The following PAK5 variants were observed in gnomAD, a reference collection of about 807,000 sequenced individuals.
PAK5 encodes serine/threonine-protein kinase PAK 5.
PAK5 carries 16 observed loss-of-function variants against 65.9 expected under a neutral mutation model. That is an observed-to-expected ratio of 0.24 (90% CI 0.16 to 0.37). PAK5 has a LOEUF of 0.37. PAK5 is among the 10% of genes least tolerant of loss of function. PAK5 has a pLI of 1.00. For synonymous variants in PAK5, 371 were observed against 354.9 expected (o/e 1.05, Z -0.51); for missense variants, 785 against 903.9 (o/e 0.87, Z 1.69).
At chr20:9,624,426 C>A (rs2046814152) in intron 3 of PAK5, among the ~76,000 whole-genome samples, 1 of 151,750 alleles carries the variant, frequency 6.6e-6, no homozygotes, top group Admixed American at 6.6e-5. Context: ...ATGGTGAATA[C>A]CTTAGAAAAG....
chr20:9,664,634 G>C (rs926618161), intron 2 of PAK5, among the ~76,000 whole-genome samples: 1 of 151,992 alleles, frequency 6.6e-6, no homozygotes, highest in Non-Finnish European at 1.5e-5. Flanking sequence ...CTGCTGCTGT[G>C]GTTTTTAATT....
intron 7 of PAK5, among the ~76,000 whole-genome samples, chr20:9,550,386 G>A (rs574702696): frequency 2.6e-5 from 4 of 152,110 alleles, no homozygotes; most frequent in Non-Finnish European, 5.9e-5. Context: ...TCCAATGAAA[G>A]CAAGGCAGGG....
intron 1 of PAK5, among the ~76,000 whole-genome samples, chr20:9,828,232 C>T (rs940747815): frequency 2.0e-5 from 3 of 152,202 alleles, no homozygotes; most frequent in Non-Finnish European, 4.4e-5. Flanking sequence ...AGGTAGGTAG[C>T]TGTTATCTTA....
chr20:9,542,424 G>C (rs539095334), intron 9 of PAK5, among the ~76,000 whole-genome samples, 162 bp downstream of exon 9: 1 of 152,314 alleles, frequency 6.6e-6, no homozygotes, highest in African/African-American at 2.4e-5. Context: ...CCCAGTAAAC[G>C]AATAGAAGAA....
At chr20:9,638,377 G>A (rs774681857) in intron 3 of PAK5, among the ~76,000 whole-genome samples, 2 of 152,228 alleles carry the variant, frequency 1.3e-5, no homozygotes, top group African/African-American at 2.4e-5. Context: ...TAGCCCAAAA[G>A]TTTGGGCACA....
chr20:9,617,960 G>A (rs1345970893), intron 3 of PAK5, among the ~76,000 whole-genome samples: 2 of 152,180 alleles, frequency 1.3e-5, no homozygotes, highest in Non-Finnish European at 2.9e-5. Context: ...ATACCTTTAA[G>A]CCTCTAAATT....
At chr20:9,653,992 G>A (rs1290857748) in intron 2 of PAK5, among the ~76,000 whole-genome samples, 1 of 141,800 alleles carries the variant, frequency 7.1e-6, no homozygotes, top group Non-Finnish European at 1.5e-5. Context: ...GTCACGTGCT[G>A]CCCCCCAGGC....
intron 3 of PAK5, among the ~76,000 whole-genome samples, chr20:9,603,377 C>T (rs957189984): frequency 5.3e-5 from 8 of 152,088 alleles, no homozygotes; most frequent in African/African-American, 1.2e-4. Flanking sequence ...TTCTTCTTCC[C>T]GCTTCTGTGA....
chr20:9,715,962 A>T (rs1425458550), intron 1 of PAK5, among the ~76,000 whole-genome samples: 1 of 152,052 alleles, frequency 6.6e-6, no homozygotes, highest in African/African-American at 2.4e-5. Flanking sequence ...GAGTTAATGG[A>T]TGCAGTACAC....
Position 9,580,295 on chromosome 20 carries a change from G to A in PAK5, c.840C>T (p.Pro280=), listed in dbSNP as rs2045954612. The A allele has an allele frequency of 1.9e-6, 3 of 1,614,016 alleles. No homozygotes were observed. Among genetic ancestry groups the A allele is most frequent in the Non-Finnish European group, 2.5e-6 (3 of 1,180,026 alleles). ...SSYLNQTSPQ[P]TMRQRSRSGS... ...CTGACCTGGACCTCTGCCGCATGGTGGGCTGAGGGCTTGTCTGATTCAGGT... is the reference window on the plus strand; with the variant it reads ...CTGACCTGGACCTCTGCCGCATGGTAGGCTGAGGGCTTGTCTGATTCAGGT... Residue 280 remains proline, a synonymous_variant, in exon 4 of 10, where the codon CCC becomes CCT. Coordinates refer to ENST00000353224, the MANE Select transcript of PAK5 (RefSeq NM_177990.4).
intron 1 of PAK5, among the ~76,000 whole-genome samples, chr20:9,715,562 T>C (rs1260540816): frequency 2.0e-5 from 3 of 152,048 alleles, no homozygotes; most frequent in African/African-American, 7.2e-5. Flanking sequence ...ACCCAAAGGA[T>C]TATAAATCAT....
intron 2 of PAK5, among the ~76,000 whole-genome samples, chr20:9,648,221 G>T (rs539773644): frequency 9.2e-5 from 14 of 152,250 alleles, no homozygotes; most frequent in African/African-American, 3.4e-4. Context: ...TTAGCAGTGG[G>T]AAAAGGTGCA....
At chr20:9,758,749 T>TA (rs1159633663) in intron 1 of PAK5, among the ~76,000 whole-genome samples, 1 of 152,180 alleles carries the variant, frequency 6.6e-6, no homozygotes, top group Non-Finnish European at 1.5e-5. Context: ...AAAATGAACA[T>TA]AGCAGCTTAT....
chr20:9,641,733 CGT>C, intron 3 of PAK5, among the ~76,000 whole-genome samples: 1 of 152,204 alleles, frequency 6.6e-6, no homozygotes, highest in South Asian at 2.1e-4. Flanking sequence ...AGCCCTGCCC[CGT>C]GGGAAGGCAG....
At position 9,751,040 on chromosome 20, in the gene PAK5, G is replaced by T. The variant is rs143854303; in HGVS notation, c.-161-39605C>A. On this transcript the variant is annotated intron_variant, in intron 1 of 9. Transcript: ENST00000353224. ...GCTAGAAAAGAGATTGTAGATATTT[G>T]GTAGCTTCCCAAAATTACAAATGTG... Among the ~76,000 whole-genome samples, 434 of 152,196 alleles carry T rather than the reference G, an allele frequency of 2.9e-3. 1 individual carries two copies. The highest frequency in any genetic ancestry group is 6.8e-3 in the Middle Eastern group (2 of 294).
At chr20:9,549,031 T>C (rs1206514698) in intron 7 of PAK5, among the ~76,000 whole-genome samples, 1 of 152,082 alleles carries the variant, frequency 6.6e-6, no homozygotes, top group Non-Finnish European at 1.5e-5. Context: ...GAATTTCACA[T>C]GTAGTATGAA....
intron 1 of PAK5, among the ~76,000 whole-genome samples, chr20:9,727,957 T>G (rs1229855503): frequency 2.6e-5 from 4 of 152,106 alleles, no homozygotes; most frequent in Non-Finnish European, 5.9e-5. Context: ...TCATTTTCTT[T>G]TATTGGAGAA....
intron 2 of PAK5, among the ~76,000 whole-genome samples, chr20:9,668,503 C>T (rs2047449858): frequency 6.6e-6 from 1 of 152,206 alleles, no homozygotes; most frequent in Non-Finnish European, 1.5e-5. Context: ...CACTCTTTCT[C>T]ATTTGCCCTT....
At chr20:9,786,270 G>A (rs1410294042) in intron 1 of PAK5, among the ~76,000 whole-genome samples, 1 of 152,060 alleles carries the variant, frequency 6.6e-6, no homozygotes, top group East Asian at 1.9e-4. Flanking sequence ...TTTCAAGGAA[G>A]AAGTAGGCTG....
Sources: gnomAD v4.1 joint callset for allele counts (sites outside exome capture counted in the v4.1 genomes callset) on GRCh38, gnomAD v4.1.1 for gene constraint, MANE v1.5 for transcripts, NCBI Gene and HGNC (gene_info 2026-07-23, HGNC 2026-07-21) for gene names.